BNC2: variants seen among roughly 807,000 people sequenced by gnomAD.
The protein encoded by BNC2 is zinc finger protein basonuclin-2.
In BNC2, 20 loss-of-function variants were observed where a neutral mutation model predicts 76.3. The ratio of observed to expected loss-of-function variants is 0.26; its 90% CI spans 0.18 to 0.38. BNC2 has a LOEUF of 0.38. Ranked by LOEUF, BNC2 falls within the 10% of genes least tolerant of loss-of-function variation. BNC2 has a pLI of 1.00. For synonymous variants in BNC2, 582 were observed against 514.8 expected (o/e 1.13, Z -1.77); for missense variants, 1,382 against 1,399.8 (o/e 0.99, Z 0.20).
chr9:16,632,111 A>G (rs1821178527), intron 3 of BNC2, among the ~76,000 whole-genome samples: 1 of 152,206 alleles, frequency 6.6e-6, no homozygotes, highest in South Asian at 2.1e-4. Flanking sequence ...CACCTAATTC[A>G]GCAGTGAGAA....
intron 3 of BNC2, among the ~76,000 whole-genome samples, chr9:16,643,514 C>G (rs1325857229): frequency 6.6e-6 from 1 of 151,968 alleles, no homozygotes; most frequent in African/African-American, 2.4e-5. Flanking sequence ...AAAAAATATC[C>G]ACGCATAGCC....
intron 5 of BNC2, among the ~76,000 whole-genome samples, chr9:16,446,641 T>C (rs528689508): frequency 1.3e-5 from 2 of 152,166 alleles, no homozygotes; most frequent in Non-Finnish European, 2.9e-5. Flanking sequence ...TTTTAAAATA[T>C]TGCTTGACAT....
chr9:16,499,801 G>A (rs1318586126), intron 5 of BNC2, among the ~76,000 whole-genome samples: 1 of 151,934 alleles, frequency 6.6e-6, no homozygotes, highest in Non-Finnish European at 1.5e-5. Flanking sequence ...AAAGTGCTGG[G>A]ATTACAGGCA....
chr9:16,869,117 C>A, intron 1 of BNC2, among the ~76,000 whole-genome samples: 1 of 151,998 alleles, frequency 6.6e-6, no homozygotes, highest in East Asian at 1.9e-4. Context: ...GTAAAACGCC[C>A]GTTAGAAGAA....
chr9:16,574,631 T>G (rs1255961203), intron 4 of BNC2, among the ~76,000 whole-genome samples: 5 of 152,146 alleles, frequency 3.3e-5, no homozygotes, highest in Admixed American at 2.0e-4. Context: ...AAACCTTCCC[T>G]GGAAGGAGAA....
intron 5 of BNC2, among the ~76,000 whole-genome samples, chr9:16,437,943 A>T (rs1313402530): frequency 1.3e-5 from 2 of 152,244 alleles, no homozygotes; most frequent in Non-Finnish European, 2.9e-5. Context: ...TAGTGATACT[A>T]TAGGAAGGAA....
intron 3 of BNC2, among the ~76,000 whole-genome samples, chr9:16,584,172 T>C (rs1343511734): frequency 6.6e-6 from 1 of 152,108 alleles, no homozygotes; most frequent in Non-Finnish European, 1.5e-5. Context: ...TTAGATGCAA[T>C]CAATGATTAC....
At chr9:16,569,627 G>A (rs1350800898) in intron 4 of BNC2, among the ~76,000 whole-genome samples, 1 of 152,198 alleles carries the variant, frequency 6.6e-6, no homozygotes, top group East Asian at 1.9e-4. Context: ...CTCCTGGCTA[G>A]TAGATTAAAC....
At chr9:16,682,293 C>T (rs1822847459) in intron 3 of BNC2, among the ~76,000 whole-genome samples, 1 of 100,618 alleles carries the variant, frequency 9.9e-6, no homozygotes, top group African/African-American at 5.7e-5. Flanking sequence ...AATTAATTAA[C>T]TTCTCCAACA....
intron 6 of BNC2, chr9:16,429,558 T>C (rs1192191107): frequency 1.1e-5 from 2 of 181,540 alleles, no homozygotes; most frequent in East Asian, 2.8e-4. Flanking sequence ...AGTATGTGCA[T>C]TCTGCTCAGA....
At chr9:16,715,166 A>G (rs1563912069) in intron 3 of BNC2, among the ~76,000 whole-genome samples, 1 of 152,212 alleles carries the variant, frequency 6.6e-6, no homozygotes, top group South Asian at 2.1e-4. Context: ...AATTACTTAC[A>G]CAAATCATGG....
intron 3 of BNC2, among the ~76,000 whole-genome samples, chr9:16,604,735 T>G (rs2133345405): frequency 6.6e-6 from 1 of 152,038 alleles, no homozygotes; most frequent in East Asian, 1.9e-4. Flanking sequence ...ACCCAGGAGA[T>G]GAGGTTGCAG....
At chr9:16,580,337 C>T (rs1022635033) in intron 4 of BNC2, among the ~76,000 whole-genome samples, 2 of 152,000 alleles carry the variant, frequency 1.3e-5, no homozygotes, top group Non-Finnish European at 2.9e-5. Context: ...CAGATATCTC[C>T]CTGTTGTGGG....
Position 16,850,841 on chromosome 9 carries a change from T to C in BNC2, c.3+19805A>G, listed in dbSNP as rs145642559. Among the ~76,000 whole-genome samples, 33 of 152,170 alleles carry C rather than the reference T, an allele frequency of 2.2e-4. No homozygotes were observed. The East Asian group carries it at 6.0e-3, about 28-fold the overall frequency. On this transcript the variant is annotated intron_variant, in intron 1 of 6. Coordinates refer to ENST00000380672, the MANE Select transcript of BNC2 (RefSeq NM_017637.6). The stretch of plus-strand genomic sequence containing the variant: ...AAAAATCAAAAATAGAATTATCTTG[T>C]TTTAACACCCACCAAGTAAGTTAAC...
chr9:16,519,892 G>C (rs1817561329), intron 5 of BNC2, among the ~76,000 whole-genome samples: 1 of 152,202 alleles, frequency 6.6e-6, no homozygotes, highest in Non-Finnish European at 1.5e-5. Context: ...TTATGTTCCA[G>C]TGGAGGACAG....
intron 6 of BNC2, among the ~76,000 whole-genome samples, chr9:16,426,986 C>G (rs1002080426): frequency 6.6e-6 from 1 of 152,174 alleles, no homozygotes; most frequent in African/African-American, 2.4e-5. Context: ...TCTAAAGAAA[C>G]CACTGAGTTC....
intron 3 of BNC2, among the ~76,000 whole-genome samples, chr9:16,707,482 G>C (rs10756787): frequency 0.6 from 90,659 of 151,896 alleles, 30,744 homozygotes; most frequent in Non-Finnish European, 0.79. Context: ...GGATGAACCG[G>C]GGCCTATGAA....
At chr9:16,668,079 T>C (rs1034679795) in intron 3 of BNC2, among the ~76,000 whole-genome samples, 1 of 152,230 alleles carries the variant, frequency 6.6e-6, no homozygotes, top group African/African-American at 2.4e-5. Context: ...GGACTAAACC[T>C]GTCCTTCGGG....
At chr9:16,544,471 G>T (rs902248424) in intron 5 of BNC2, among the ~76,000 whole-genome samples, 5 of 152,052 alleles carry the variant, frequency 3.3e-5, no homozygotes, top group African/African-American at 9.7e-5. Flanking sequence ...TGGAAGAGTT[G>T]ATAAAATAGG....
Sources: gnomAD v4.1 joint callset for allele counts (sites outside exome capture counted in the v4.1 genomes callset) on GRCh38, gnomAD v4.1.1 for gene constraint, MANE v1.5 for transcripts, NCBI Gene and HGNC (gene_info 2026-07-23, HGNC 2026-07-21) for gene names.